Variants in PAPPA observed in about 807,000 individuals in gnomAD.
The protein encoded by PAPPA is pappalysin-1.
A neutral mutation model predicts 164.0 loss-of-function variants in PAPPA; 60 were observed. The observed-to-expected ratio is 0.37, with a 90% CI of 0.30 to 0.45. PAPPA has a LOEUF of 0.45. Among genes scored for constraint, PAPPA ranks in the 20% least tolerant of loss-of-function variants. PAPPA has a pLI of 1.00. For synonymous variants in PAPPA, 875 were observed against 814.1 expected (o/e 1.07, Z -1.27); for missense variants, 1,782 against 2,087.3 (o/e 0.85, Z 2.85).
intron 4 of PAPPA, among the ~76,000 whole-genome samples, chr9:116,213,460 C>T (rs1044120144): frequency 1.3e-5 from 2 of 152,084 alleles, no homozygotes; most frequent in African/African-American, 4.8e-5. Flanking sequence ...AAGCAGATTC[C>T]CACTGGGCTC....
intron 9 of PAPPA, among the ~76,000 whole-genome samples, chr9:116,293,771 G>T (rs1285093785): frequency 1.3e-5 from 2 of 152,058 alleles, no homozygotes; most frequent in Non-Finnish European, 2.9e-5. Context: ...CCTGACCAAT[G>T]TGGAGAAACC....
chr9:116,337,380 C>A (rs764138520), intron 13 of PAPPA, among the ~76,000 whole-genome samples: 1 of 152,112 alleles, frequency 6.6e-6, no homozygotes, highest in Admixed American at 6.6e-5. Context: ...ACAAGCAGGA[C>A]TCTGCAAACA....
At chr9:116,367,854 C>A in intron 19 of PAPPA, 100 bp downstream of exon 19, 1 of 784,364 alleles carries the variant, frequency 1.3e-6, no homozygotes, top group Non-Finnish European at 2.2e-6. Flanking sequence ...TTCTTTCACA[C>A]ATATTACCTC....
chr9:116,250,728 A>C (rs1378418164), intron 7 of PAPPA, among the ~76,000 whole-genome samples: 1 of 152,246 alleles, frequency 6.6e-6, no homozygotes. Context: ...GACACTTGAC[A>C]TATGAGAGAA....
chr9:116,289,984 A>G (rs538063175), intron 9 of PAPPA, among the ~76,000 whole-genome samples: 9 of 152,232 alleles, frequency 5.9e-5, no homozygotes, highest in Non-Finnish European at 1.3e-4. Flanking sequence ...AAATTAGAAA[A>G]GCCATTTGAT....
At chr9:116,223,694 T>C (rs970365791) in intron 5 of PAPPA, among the ~76,000 whole-genome samples, 5 of 152,200 alleles carry the variant, frequency 3.3e-5, no homozygotes, top group African/African-American at 1.2e-4. Flanking sequence ...TGTAAAGAAA[T>C]GGAACTGTCT....
At chr9:116,224,576 A>T (rs1037517304) in intron 5 of PAPPA, among the ~76,000 whole-genome samples, 1 of 152,248 alleles carries the variant, frequency 6.6e-6, no homozygotes, top group African/African-American at 2.4e-5. Context: ...TTAATTCATT[A>T]TATACAATGG....
At chr9:116,171,696 G>A (rs999728604) in intron 1 of PAPPA, among the ~76,000 whole-genome samples, 26 of 152,182 alleles carry the variant, frequency 1.7e-4, no homozygotes, top group African/African-American at 4.8e-4. Flanking sequence ...CCATCCTTCC[G>A]TCTGTCCTCA....
At chr9:116,263,470 T>C (rs1845027646) in intron 7 of PAPPA, among the ~76,000 whole-genome samples, 1 of 152,182 alleles carries the variant, frequency 6.6e-6, no homozygotes, top group Non-Finnish European at 1.5e-5. Context: ...ACATTACTTA[T>C]TTGTCTCTCC....
intron 5 of PAPPA, among the ~76,000 whole-genome samples, chr9:116,225,840 T>TCCAC (rs1844500464): frequency 6.6e-6 from 1 of 152,098 alleles, no homozygotes; most frequent in African/African-American, 2.4e-5. Context: ...CATCCATCCA[T>TCCAC]CCATCCATCT....
intron 19 of PAPPA, among the ~76,000 whole-genome samples, chr9:116,370,682 C>T (rs956446265): frequency 2.0e-5 from 3 of 152,188 alleles, no homozygotes; most frequent in Admixed American, 1.3e-4. Flanking sequence ...CTGTGGTCCA[C>T]CACCGACACT....
intron 18 of PAPPA, 63 bp downstream of exon 18, chr9:116,362,802 T>G (rs1478736338): frequency 2.0e-6 from 3 of 1,532,558 alleles, no homozygotes; most frequent in Non-Finnish European, 2.7e-6. Flanking sequence ...GCAGGGCTAA[T>G]GCCTGGGTGG....
At chr9:116,316,629 ACT>A (rs1491240038) in intron 10 of PAPPA, 2 of 152,220 alleles carry the variant, frequency 1.3e-5, no homozygotes, top group Non-Finnish European at 2.9e-5. Context: ...CATCACAGTC[ACT>A]GTTTCTACCT....
chr9:116,241,958 TATTC>T (rs2118760047), intron 7 of PAPPA, among the ~76,000 whole-genome samples: 1 of 152,310 alleles, frequency 6.6e-6, no homozygotes, highest in Non-Finnish European at 1.5e-5. Flanking sequence ...TGTATTAATT[TATTC>T]ATTCATTCAT....
At chr9:116,333,948 C>T (rs552558079) in intron 12 of PAPPA, among the ~76,000 whole-genome samples, 3 of 152,180 alleles carry the variant, frequency 2.0e-5, no homozygotes, top group African/African-American at 7.2e-5. Flanking sequence ...AGGGCACCTG[C>T]TTCAGGCTTC....
intron 10 of PAPPA, among the ~76,000 whole-genome samples, chr9:116,315,620 G>C (rs924918137): frequency 2.0e-5 from 3 of 152,198 alleles, no homozygotes; most frequent in African/African-American, 4.8e-5. Flanking sequence ...GCTTCCTACA[G>C]AGATGGATGG....
intron 1 of PAPPA, among the ~76,000 whole-genome samples, chr9:116,167,935 A>C (rs910818946): frequency 2.2e-4 from 34 of 152,200 alleles, no homozygotes; most frequent in African/African-American, 8.0e-4. Context: ...TTACCTGCTA[A>C]ATTAAGCTAA....
At chr9:116,268,578 C>T (rs1845099018) in intron 8 of PAPPA, among the ~76,000 whole-genome samples, 1 of 152,030 alleles carries the variant, frequency 6.6e-6, no homozygotes, top group Admixed American at 6.6e-5. Flanking sequence ...ATCTACAGCT[C>T]ATCTCAGCTC....
chr9:116,353,782 G>C lies in PAPPA; in HGVS notation c.4336G>C (p.Asp1446His), dbSNP rs779966287. 6.8e-6 allele frequency: 11 copies of C among 1,612,604 alleles called. No homozygotes were observed. Among genetic ancestry groups the C allele is most frequent in the Non-Finnish European group, 9.3e-6 (11 of 1,179,186 alleles). The part of the protein sequence containing the change: ...SECRIKCEDS[D>H]ASQGLGSNVI... ...GTGTAGGATCAAGTGTGAAGACAGT[G>C]ATGCCTCCCAGGTAAGCCTCCTGGA... The change falls in exon 17 of 22, where the codon GAT becomes CAT. Residue 1446 changes from aspartate (D) to histidine (H), a missense_variant. Around this residue, in one of 2 missense-constraint regions of PAPPA, gnomAD observed 1,324 missense variants for 1,656.9 expected, o/e 0.80. Transcript: ENST00000328252.
Sources: gnomAD v4.1 joint callset for allele counts (sites outside exome capture counted in the v4.1 genomes callset) on GRCh38, gnomAD v4.1.1 for gene constraint, gnomAD v4.1.1 regional missense constraint, MANE v1.5 for transcripts, NCBI Gene and HGNC (gene_info 2026-07-23, HGNC 2026-07-21) for gene names.